GSTK1: variants seen among roughly 807,000 people sequenced by gnomAD.
GSTK1 encodes the protein GST class-kappa.
Under a neutral mutation model 30.9 loss-of-function variants are expected in GSTK1, and 25 were observed. The observed-to-expected ratio is 0.81, with a 90% CI of 0.59 to 1.13. The LOEUF is 1.13. Among genes scored for constraint, GSTK1 ranks in the 50% most tolerant of loss-of-function variants. GSTK1 has a pLI of 0.00. For synonymous variants in GSTK1, 108 were observed against 112.5 expected (o/e 0.96, Z 0.25); for missense variants, 292 against 292.4 (o/e 1.00, Z 0.01).
Position 143,268,736 on chromosome 7 carries a change from C to G in GSTK1, c.632-52C>G. Reference sequence around the variant, plus strand: ...TGGGACCTTGTGGGACCAACTCCTGCTGCCAGAACACCTGAGAACAGTGTG... The same window carrying G: ...TGGGACCTTGTGGGACCAACTCCTGGTGCCAGAACACCTGAGAACAGTGTG... On this transcript the variant is annotated intron_variant, in intron 7 of 7. Transcript: ENST00000358406. This position sits in a 1 kb window ranked among gnomAD's most constrained non-coding sequence, Gnocchi z 4.1. 1.9e-6 allele frequency: 3 copies of G among 1,561,494 alleles called. No homozygotes were observed. Among genetic ancestry groups the G allele is most frequent in the Non-Finnish European group, 2.6e-6 (3 of 1,132,394 alleles).
At chr7:143,264,509 G>A in intron 2 of GSTK1, 39 bp from the exon 3 acceptor site, 2 of 1,612,716 alleles carry the variant, frequency 1.2e-6, no homozygotes, top group Non-Finnish European at 1.7e-6. Context: ...GGACCCTTAG[G>A]TCTTTTCTCA....
In GSTK1 at chr7:143,268,831, A is replaced by G. The variant is rs1324456826; in HGVS notation, c.675A>G (p.Arg225=). The change falls in exon 8 of 8, where the codon AGA becomes AGG. Residue 225 remains arginine, a synonymous_variant. Transcript: ENST00000358406. The surrounding 1 kb of genome is among the most constrained non-coding windows in gnomAD (Gnocchi z 4.1). ...CTATACCTCCAGCCGTGAATGCCAG[A>G]CTTTAAGATTGCCCGGAGGAAGCAA... The part of the protein sequence containing the change: ...MGPIPPAVNA[R]L 1 of 1,613,796 alleles carries G rather than the reference A, an allele frequency of 6.2e-7. No individual in the cohort carries two copies. Among genetic ancestry groups the G allele is most frequent in the Admixed American group, 1.7e-5 (1 of 59,976 alleles).
In GSTK1 at chr7:143,263,496, T is replaced by C. The variant is rs1188148624; in HGVS notation, c.-18T>C. ...GAAAAGGAGCTCCTGCTGCCACTGC[T>C]CTTCCGGAGCCTGCAGCATGGGGCC... On this transcript the variant is annotated 5_prime_UTR_variant, in exon 1 of 8. Transcript: ENST00000358406. The C allele has an allele frequency of 3.1e-6, 5 of 1,607,538 alleles. No individual in the cohort carries two copies. In the African/African-American group the frequency reaches 5.3e-5, roughly 17 times the overall value.
Position 143,264,649 on chromosome 7 carries a change from G to A in GSTK1, c.256G>A (p.Asp86Asn). ...HLQIPIHFPK[D>N]FLSVMLEKGS... ...CCAGATTCCCATCCACTTCCCCAAG[G>A]ATTTCTTGTCTGTGATGCTTGAAAA... is the stretch of plus-strand genomic sequence containing the variant. Residue 86 changes from aspartate (D) to asparagine (N), a missense_variant, in exon 3 of 8, where the codon GAT becomes AAT. Coordinates refer to ENST00000358406, the MANE Select transcript of GSTK1 (RefSeq NM_015917.3). 6.2e-7 allele frequency: 1 copy of A among 1,614,078 alleles called. No homozygotes were observed. Among genetic ancestry groups the A allele is most frequent in the Non-Finnish European group, 8.5e-7 (1 of 1,179,990 alleles).
chr7:143,264,635 T>G lies in GSTK1; in HGVS notation c.242T>G (p.Ile81Ser). Reference sequence around the variant, plus strand: ...CTGAGACACCATCTCCAGATTCCCATCCACTTCCCCAAGGATTTCTTGTCT... The same window carrying G: ...CTGAGACACCATCTCCAGATTCCCAGCCACTTCCCCAAGGATTTCTTGTCT... ...KLLRHHLQIP[I>S]HFPKDFLSVM... Residue 81 changes from isoleucine (I) to serine (S), a missense_variant, in exon 3 of 8, where the codon ATC (isoleucine) becomes AGC (serine). Ile to Ser is a moderately radical substitution (Grantham distance 142). Transcript: ENST00000358406. The G allele has an allele frequency of 6.2e-7, 1 of 1,614,026 alleles. No individual in the cohort carries two copies. The highest frequency in any genetic ancestry group is 8.5e-7 in the Non-Finnish European group (1 of 1,179,968).
Position 143,268,863 on chromosome 7 carries a change from C to A in GSTK1, c.*26C>A. On this transcript the variant is annotated 3_prime_UTR_variant, in exon 8 of 8. Coordinates refer to ENST00000358406, the MANE Select transcript of GSTK1 (RefSeq NM_015917.3). This position sits in a 1 kb window ranked among gnomAD's most constrained non-coding sequence, Gnocchi z 4.1. ...GATTGCCCGGAGGAAGCAAACTCTT[C>A]GTATAAAAAAAGCAGGCCATCTGCT... 6 of 1,609,472 alleles carry A rather than the reference C, an allele frequency of 3.7e-6. No homozygotes were observed. Among genetic ancestry groups the A allele is most frequent in the Non-Finnish European group, 5.1e-6 (6 of 1,175,830 alleles).
At chr7:143,264,786 C>A in intron 3 of GSTK1, 110 bp downstream of exon 3, 1 of 1,445,350 alleles carries the variant, frequency 6.9e-7, no homozygotes, top group Non-Finnish European at 9.6e-7. Flanking sequence ...GTGAAGCCTG[C>A]CTTGGGAAAC....
At position 143,269,084 on chromosome 7, in the gene GSTK1, A is replaced by G; in HGVS notation, c.*247A>G. 1.8e-6 allele frequency: 1 copy of G among 543,740 alleles called. No homozygotes were observed. Among genetic ancestry groups the G allele is most frequent in the African/African-American group, 1.9e-5 (1 of 52,612 alleles). The allele number at this position is 543,740 out of a possible 1,614,324, so 33.7% of individuals were successfully genotyped here. ...CAGAGAGCCCCAATTCTGCTTTCCCACAAAATAAACCTAATGCCATCAGGC... is the reference window on the plus strand; with the variant it reads ...CAGAGAGCCCCAATTCTGCTTTCCCGCAAAATAAACCTAATGCCATCAGGC... On this transcript the variant is annotated 3_prime_UTR_variant, in exon 8 of 8. Transcript: ENST00000358406.
intron 3 of GSTK1, 135 bp from the exon 4 acceptor site, chr7:143,264,856 CA>C: frequency 8.0e-7 from 1 of 1,243,190 alleles, no homozygotes; most frequent in Non-Finnish European, 1.1e-6. Flanking sequence ...GAAGAGCAGG[CA>C]AATAGGTCAT....
At chr7:143,264,323 T>A in intron 2 of GSTK1, 156 bp downstream of exon 2, 1 of 762,604 alleles carries the variant, frequency 1.3e-6, no homozygotes, top group Non-Finnish European at 2.2e-6. Context: ...CATGCCTGTA[T>A]ACCACAGCTA....
In GSTK1 at chr7:143,263,450, G is replaced by A; in HGVS notation, c.-64G>A. On this transcript the variant is annotated 5_prime_UTR_variant, in exon 1 of 8. Transcript: ENST00000358406. ...GGTCCCAGGCAGGCCCAGAAGCTGGGCAGCCTCTGCCGGGTTCCGGGAAAA... is the reference window on the plus strand; with the variant it reads ...GGTCCCAGGCAGGCCCAGAAGCTGGACAGCCTCTGCCGGGTTCCGGGAAAA... The A allele has an allele frequency of 1.4e-6, 2 of 1,462,344 alleles. No individual in the cohort carries two copies. The highest frequency in any genetic ancestry group is 1.9e-6 in the Non-Finnish European group (2 of 1,051,010). 90.6% of individuals were successfully genotyped at this position (1,462,344 alleles called of 1,614,324 possible).
intron 2 of GSTK1, 83 bp from the exon 3 acceptor site, chr7:143,264,465 C>T: frequency 7.0e-7 from 1 of 1,435,572 alleles, no homozygotes; most frequent in Non-Finnish European, 9.6e-7. Flanking sequence ...AAGCTGCCCT[C>T]TGCCCAAAAC....
chr7:143,268,287 T>C lies in GSTK1; in HGVS notation c.631+103T>C, dbSNP rs1800941181. 1.2e-6 allele frequency: 1 copy of C among 803,168 alleles called. No homozygotes were observed. The highest frequency in any genetic ancestry group is 2.0e-6 in the Non-Finnish European group (1 of 493,670). The allele number at this position is 803,168 out of a possible 1,614,324, so 49.8% of individuals were successfully genotyped here. ...GCGAGCAGAGCACGAGTTCAGGAGA[T>C]TAAGACCATCCTGGCCAACATGGTG... is the stretch of plus-strand genomic sequence containing the variant. On this transcript the variant is annotated intron_variant, in intron 7 of 7. Coordinates refer to ENST00000358406, the MANE Select transcript of GSTK1 (RefSeq NM_015917.3). The surrounding 1 kb of genome is among the most constrained non-coding windows in gnomAD (Gnocchi z 4.1).
At position 143,268,652 on chromosome 7, in the gene GSTK1, A is replaced by G; in HGVS notation, c.632-136A>G. ...GGGCAGGGGCTGTCTTCAACCCCATAAAAGAAAAGGAAGCCTTCTATACCT... is the reference window on the plus strand; with the variant it reads ...GGGCAGGGGCTGTCTTCAACCCCATGAAAGAAAAGGAAGCCTTCTATACCT... On this transcript the variant is annotated intron_variant, in intron 7 of 7. Transcript: ENST00000358406. The surrounding 1 kb of genome is among the most constrained non-coding windows in gnomAD (Gnocchi z 4.1). The G allele has an allele frequency of 1.4e-6, 1 of 714,404 alleles. No individual in the cohort carries two copies. Among genetic ancestry groups the G allele is most frequent in the Non-Finnish European group, 2.4e-6 (1 of 409,006 alleles). 44.3% of individuals were successfully genotyped at this position (714,404 alleles called of 1,614,324 possible).
At position 143,268,183 on chromosome 7, in the gene GSTK1, G is replaced by A; in HGVS notation, c.630G>A (p.Leu210=). ...GGATGGAGCTGCTGGCGCACCTGCT[G>A]GGTAAGTAAGTTAAAGAATCAACCC... The part of the protein sequence containing the change: ...SDRMELLAHL[L]GEKWMGPIPP... The change falls in exon 7 of 8, where the codon CTG becomes CTA. Residue 210 remains leucine, a splice_region_variant and synonymous_variant. Transcript: ENST00000358406. This position sits in a 1 kb window ranked among gnomAD's most constrained non-coding sequence, Gnocchi z 4.1. 6.2e-7 allele frequency: 1 copy of A among 1,612,684 alleles called. No individual in the cohort carries two copies. The highest frequency in any genetic ancestry group is 8.5e-7 in the Non-Finnish European group (1 of 1,179,150).
At chr7:143,265,188 C>T (rs763238862) in intron 4 of GSTK1, 73 bp from the exon 5 acceptor site, 6 of 1,607,120 alleles carry the variant, frequency 3.7e-6, no homozygotes, top group South Asian at 1.1e-5. Context: ...TGCCCCCGCC[C>T]GGGGGATCTA....
At position 143,268,129 on chromosome 7, in the gene GSTK1, C is replaced by T. The variant is rs1800934505; in HGVS notation, c.576C>T (p.Gly192=). The T allele has an allele frequency of 6.2e-7, 1 of 1,614,008 alleles. No homozygotes were observed. Among genetic ancestry groups the T allele is most frequent in the Non-Finnish European group, 8.5e-7 (1 of 1,179,948 alleles). ...CCATCACCGTGGCCCATGTGGATGG[C>T]CAAACCCACATGTTATTTGGCTCTG... ...GLPITVAHVD[G]QTHMLFGSDR... is the part of the protein sequence containing the mutation. Residue 192 remains glycine, a synonymous_variant, in exon 7 of 8, where the codon GGC becomes GGT. Coordinates refer to ENST00000358406, the MANE Select transcript of GSTK1 (RefSeq NM_015917.3). This position sits in a 1 kb window ranked among gnomAD's most constrained non-coding sequence, Gnocchi z 4.1.
chr7:143,268,203 C>G lies in GSTK1; in HGVS notation c.631+19C>G. The G allele has an allele frequency of 2.5e-6, 4 of 1,599,752 alleles. No homozygotes were observed. The highest frequency in any genetic ancestry group is 3.4e-6 in the Non-Finnish European group (4 of 1,168,920). ...CTGCTGGGTAAGTAAGTTAAAGAATCAACCCTGAGCCAGGTGCAGTGGCTC... is the reference window on the plus strand; with the variant it reads ...CTGCTGGGTAAGTAAGTTAAAGAATGAACCCTGAGCCAGGTGCAGTGGCTC... On this transcript the variant is annotated intron_variant, in intron 7 of 7. Coordinates refer to ENST00000358406, the MANE Select transcript of GSTK1 (RefSeq NM_015917.3). This position sits in a 1 kb window ranked among gnomAD's most constrained non-coding sequence, Gnocchi z 4.1.
intron 5 of GSTK1, among the ~76,000 whole-genome samples, chr7:143,266,458 A>G (rs997483496): frequency 1.3e-5 from 2 of 149,618 alleles, no homozygotes; most frequent in Non-Finnish European, 3.0e-5. Flanking sequence ...ATAATTCTCT[A>G]ATTTAACCAA....
Sources: gnomAD v4.1 joint callset for allele counts (sites outside exome capture counted in the v4.1 genomes callset) on GRCh38, gnomAD v4.1.1 for gene constraint, Gnocchi (gnomAD v3.1) non-coding constraint, MANE v1.5 for transcripts, NCBI Gene and HGNC (gene_info 2026-07-23, HGNC 2026-07-21) for gene names.